The following CHRNE variants were observed in gnomAD, a reference collection of about 807,000 sequenced individuals.
CHRNE encodes cholinergic receptor nicotinic epsilon subunit.
In CHRNE, 58 loss-of-function variants were observed where a neutral mutation model predicts 56.5. The ratio of observed to expected loss-of-function variants is 1.03; its 90% confidence interval spans 0.83 to 1.28. CHRNE has a LOEUF of 1.28. CHRNE is among the 50% of genes most tolerant of loss of function. CHRNE has a pLI of 0.00. For missense variants in CHRNE, 793 were observed against 688.9 expected (o/e 1.15, Z -1.69); for synonymous variants, 385 against 297.9 (o/e 1.29, Z -3.01).
At chr17:4,903,381 A>G (rs1438402570), upstream of CHRNE, among the ~76,000 whole-genome samples, 1 of 152,078 alleles carries the variant, frequency 6.6e-6, no homozygotes, top group Non-Finnish European at 1.5e-5. Flanking sequence ...GGTGGGAGAC[A>G]CTGCTTTCAG....
chr17:4,903,131 G>C (rs982261054), upstream of CHRNE: 3 of 1,518,896 alleles, frequency 2.0e-6, no homozygotes, highest in Admixed American at 5.1e-5. Flanking sequence ...CAGGGTGCCT[G>C]TGTGAGGGGG....
intron 5 of CHRNE, 57 bp downstream of exon 5, chr17:4,901,875 C>G: frequency 7.0e-7 from 1 of 1,427,214 alleles, no homozygotes; most frequent in Non-Finnish European, 9.8e-7. Flanking sequence ...GTTGGCCCCG[C>G]CCCATAAGGC....
intron 8 of CHRNE, 160 bp from the exon 9 acceptor site, chr17:4,899,742 G>A: frequency 6.5e-6 from 10 of 1,550,122 alleles, no homozygotes; most frequent in Non-Finnish European, 8.7e-6. Context: ...CCCTTCTCCT[G>A]TCCTACCACT....
Position 4,898,801 on chromosome 17 carries a change from T to G in CHRNE, c.1417A>C (p.Ile473Leu), listed in dbSNP as rs757902679. 4.4e-6 allele frequency: 7 copies of G among 1,607,260 alleles called. No individual in the cohort carries two copies. The highest frequency in any genetic ancestry group is 2.7e-5 in the African/African-American group (2 of 74,858). ...CGGTTGAAGTAGGCCCCGAGGAAGA[T>G]GAGGCTGGAGCCCACGCTGAAGAGC... ...LVLFSVGSSL[I>L]FLGAYFNRVP... Residue 473 changes from isoleucine to leucine, a missense_variant, in exon 12 of 12, where the codon ATC becomes CTC. Ile to Leu is a conservative substitution (Grantham distance 5, BLOSUM62 2). Transcript: ENST00000649488.
intron 10 of CHRNE, 28 bp downstream of exon 10, chr17:4,899,169 GC>G (rs771888449): frequency 2.5e-6 from 4 of 1,591,570 alleles, no homozygotes; most frequent in South Asian, 2.3e-5. Context: ...ACCCCGCGCG[GC>G]CCCCCGGGCC....
Position 4,902,207 on chromosome 17 carries a change from CG to C in CHRNE, c.344+9del. ...CTTCCCTCCAGCCTGGCGTCTGGCC[CG>C]GTTCTCACTTGTTTTCCAGCACAAT... On this transcript the variant is annotated intron_variant, in intron 4 of 11. Coordinates refer to ENST00000649488, the MANE Select transcript of CHRNE (RefSeq NM_000080.4). This position sits in a 1 kb window ranked among gnomAD's most constrained non-coding sequence, Gnocchi z 4.0. 1 of 1,613,892 alleles carries C rather than the reference CG, an allele frequency of 6.2e-7. No homozygotes were observed. The highest frequency in any genetic ancestry group is 8.5e-7 in the Non-Finnish European group (1 of 1,179,876).
rs34563587 is a variant in CHRNE, at chr17:4,903,019, G to A, written c.45C>T (p.Leu15=). The A allele has an allele frequency of 5.7e-3, 9,178 of 1,613,954 alleles. 210 individuals carry two copies. The African/African-American group carries it at 0.069, about 12-fold the overall frequency. Residue 15 remains leucine (L), a splice_region_variant and synonymous_variant, in exon 1 of 12, where the codon CTC becomes CTT. Coordinates refer to ENST00000649488, the MANE Select transcript of CHRNE (RefSeq NM_000080.4). Reference sequence around the variant, plus strand: ...TGCCCCTCTAGCCCCTGTCCGTACCGAGAAGCCCCAAGAGGAGCAGGACCC... The same window carrying A: ...TGCCCCTCTAGCCCCTGTCCGTACCAAGAAGCCCCAAGAGGAGCAGGACCC... The part of the protein sequence containing the change: ...PLGVLLLLGL[L]GRGVGKNEEL...
In CHRNE at chr17:4,901,196, G is replaced by A. The variant is rs762103017; in HGVS notation, c.602-6C>T. Reference sequence around the variant, plus strand: ...GATGGCCCACTCGCCGTTCTCTGCGGGACGGGGGCACGGTCAGCTGGCTGT... The same window carrying A: ...GATGGCCCACTCGCCGTTCTCTGCGAGACGGGGGCACGGTCAGCTGGCTGT... On this transcript the variant is annotated splice_region_variant and splice_polypyrimidine_tract_variant and intron_variant, in intron 6 of 11. Transcript: ENST00000649488. 6.2e-7 allele frequency: 1 copy of A among 1,600,866 alleles called. No homozygotes were observed. The highest frequency in any genetic ancestry group is 2.2e-5 in the East Asian group (1 of 44,776).
rs1567640247 is a variant in CHRNE at position 4,902,694 on chromosome 17, C to A, written c.116G>T (p.Ser39Ile). The A allele has an allele frequency of 6.2e-7, 1 of 1,614,104 alleles. No homozygotes were observed. Among genetic ancestry groups the A allele is most frequent in the Non-Finnish European group, 8.5e-7 (1 of 1,180,018 alleles). ...HHLFNNYDPG[S>I]RPVREPEDTV... ...ATCCTCAGGCTCCCGCACTGGCCGGCTTCCTGGGTCATAGTTGTTGAAGAG... is the reference window on the plus strand; with the variant it reads ...ATCCTCAGGCTCCCGCACTGGCCGGATTCCTGGGTCATAGTTGTTGAAGAG... The change falls in exon 2 of 12, where the codon AGC (serine) becomes ATC (isoleucine). Residue 39 changes from serine to isoleucine, a missense_variant. Ser to Ile is a moderately radical substitution (Grantham distance 142, BLOSUM62 -2). Coordinates refer to ENST00000649488, the MANE Select transcript of CHRNE (RefSeq NM_000080.4). The surrounding 1 kb of genome is among the most constrained non-coding windows in gnomAD (Gnocchi z 4.0).
chr17:4,902,926 A>G lies in CHRNE; in HGVS notation c.46+92T>C. The G allele has an allele frequency of 6.3e-7, 1 of 1,588,768 alleles. No homozygotes were observed. Among genetic ancestry groups the G allele is most frequent in the Non-Finnish European group, 8.6e-7 (1 of 1,157,464 alleles). ...TGCCTGGGAACGAAATACTGTGTCTAAGTCTCCATCTTGGTCTCTGTCTTT... is the reference window on the plus strand; with the variant it reads ...TGCCTGGGAACGAAATACTGTGTCTGAGTCTCCATCTTGGTCTCTGTCTTT... On this transcript the variant is annotated intron_variant, in intron 1 of 11. Coordinates refer to ENST00000649488, the MANE Select transcript of CHRNE (RefSeq NM_000080.4). This position sits in a 1 kb window ranked among gnomAD's most constrained non-coding sequence, Gnocchi z 4.0.
Position 4,902,866 on chromosome 17 carries a change from A to G in CHRNE, c.47-103T>C. ...TCCTCACAGGCCTCTGAGGCTGTGT[A>G]CTATCAGTATCTGTCTCCTAAACCA... On this transcript the variant is annotated intron_variant, in intron 1 of 11. Coordinates refer to ENST00000649488, the MANE Select transcript of CHRNE (RefSeq NM_000080.4). The surrounding 1 kb of genome is among the most constrained non-coding windows in gnomAD (Gnocchi z 4.0). The G allele has an allele frequency of 1.9e-6, 3 of 1,577,844 alleles. No homozygotes were observed. The highest frequency in any genetic ancestry group is 2.6e-6 in the Non-Finnish European group (3 of 1,148,166).
upstream of CHRNE, among the ~76,000 whole-genome samples, chr17:4,905,150 T>C (rs773142600): frequency 1.3e-5 from 2 of 152,220 alleles, no homozygotes; most frequent in Non-Finnish European, 2.9e-5. Flanking sequence ...AGTTATCATC[T>C]AATGACAGAG....
Position 4,902,271 on chromosome 17 carries a change from G to A in CHRNE, c.290C>T (p.Thr97Ile), listed in dbSNP as rs776769810. ...CACGAGTTCTGAAGGGACTCGCAGGGTTTCTATACCCCCAAAGTCGTCCTT... is the reference window on the plus strand; with the variant it reads ...CACGAGTTCTGAAGGGACTCGCAGGATTTCTATACCCCCAAAGTCGTCCTT... ...YSKDDFGGIE[T>I]LRVPSELVWL... The change falls in exon 4 of 12, where the codon ACC (threonine) becomes ATC (isoleucine). Residue 97 changes from threonine to isoleucine, a missense_variant. Transcript: ENST00000649488. This position sits in a 1 kb window ranked among gnomAD's most constrained non-coding sequence, Gnocchi z 4.0. The A allele has an allele frequency of 6.2e-7, 1 of 1,614,174 alleles. No individual in the cohort carries two copies. Among genetic ancestry groups the A allele is most frequent in the South Asian group, 1.1e-5 (1 of 91,082 alleles).
At chr17:4,899,886 C>A in intron 8 of CHRNE, 1 of 1,547,992 alleles carries the variant, frequency 6.5e-7, no homozygotes, top group Non-Finnish European at 8.7e-7. Context: ...GTCTCCTGTT[C>A]GCCCCTGTGA....
chr17:4,899,966 C>T (rs1041242134), intron 8 of CHRNE: 2 of 1,551,472 alleles, frequency 1.3e-6, no homozygotes. Context: ...TCTGTCTTCC[C>T]TGGAACTCTC....
At chr17:4,901,711 G>C in intron 5 of CHRNE, 86 bp from the exon 6 acceptor site, 1 of 1,395,432 alleles carries the variant, frequency 7.2e-7, no homozygotes, top group Non-Finnish European at 1.0e-6. Flanking sequence ...GGGATCTAGC[G>C]GGGCCGCGAT....
At chr17:4,905,190 T>G (rs539057727), upstream of CHRNE, among the ~76,000 whole-genome samples, 9 of 152,274 alleles carry the variant, frequency 5.9e-5, no homozygotes, top group African/African-American at 1.9e-4. Context: ...TGCCAGACTA[T>G]GAGAAGCATA....
intron 8 of CHRNE, chr17:4,900,242 AGCCCTGTG>A: frequency 6.5e-7 from 1 of 1,547,458 alleles, no homozygotes; most frequent in Non-Finnish European, 8.7e-7. Flanking sequence ...TGCAGATCTC[AGCCCTGTG>A]GCTGCAGCAG....
intron 6 of CHRNE, 145 bp from the exon 7 acceptor site, chr17:4,901,335 C>T: frequency 1.0e-6 from 1 of 1,000,772 alleles, no homozygotes; most frequent in Admixed American, 2.0e-5. Context: ...AGGGCATTCT[C>T]GTTGAGGGTA....
Sources: allele counts gnomAD v4.1 joint callset (sites outside exome capture counted in the v4.1 genomes callset), GRCh38; gene constraint gnomAD v4.1.1; non-coding constraint Gnocchi (gnomAD v3.1); transcripts MANE v1.5; gene names NCBI Gene and HGNC (gene_info 2026-07-23, HGNC 2026-07-21).